The following TRAPPC9 variants were observed in gnomAD, a reference collection of about 807,000 sequenced individuals.
The protein encoded by TRAPPC9 is IKK2 binding protein.
A neutral mutation model predicts 124.0 loss-of-function variants in TRAPPC9; 83 were observed. The observed-to-expected ratio is 0.67, with a 90% CI of 0.56 to 0.80. TRAPPC9 has a LOEUF of 0.80. Among genes scored for constraint, TRAPPC9 ranks in the 30% least tolerant of loss-of-function variants. The pLI, the probability that TRAPPC9 is intolerant of heterozygous loss-of-function variation, is 0.00. For synonymous variants in TRAPPC9, 638 were observed against 617.5 expected (o/e 1.03, Z -0.49); for missense variants, 1,302 against 1,508.3 (o/e 0.86, Z 2.27).
At chr8:139,978,777 T>G (rs1349319585) in intron 19 of TRAPPC9, among the ~76,000 whole-genome samples, 1 of 152,214 alleles carries the variant, frequency 6.6e-6, no homozygotes, top group Non-Finnish European at 1.5e-5. Flanking sequence ...TGCCCAGGCC[T>G]GAGGCGGGTG....
At chr8:139,770,948 TGGG>T (rs1820916886) in intron 21 of TRAPPC9, among the ~76,000 whole-genome samples, 1 of 152,144 alleles carries the variant, frequency 6.6e-6, no homozygotes, top group Admixed American at 6.5e-5. Context: ...TCTGGGCTTC[TGGG>T]ACCCTCCCGC....
intron 17 of TRAPPC9, chr8:140,098,542 C>T (rs1416642372): frequency 6.6e-6 from 1 of 151,946 alleles, no homozygotes; most frequent in Non-Finnish European, 1.5e-5. Flanking sequence ...GCAGCACCAC[C>T]TTCCACAGTA....
chr8:139,935,255 G>A (rs57767951), intron 19 of TRAPPC9, among the ~76,000 whole-genome samples: 6,620 of 152,240 alleles, frequency 0.043, 221 homozygotes, highest in Middle Eastern at 0.13. Flanking sequence ...GAAGGAGAGG[G>A]GAAAGATTTC....
chr8:139,752,859 CCCAT>C (rs746372569), intron 21 of TRAPPC9, among the ~76,000 whole-genome samples: 11 of 148,510 alleles, frequency 7.4e-5, no homozygotes, highest in South Asian at 2.2e-4. Context: ...CATCCATCCA[CCCAT>C]CCAACATCTA....
chr8:140,290,309 T>G (rs1406008910), intron 12 of TRAPPC9, among the ~76,000 whole-genome samples: 2 of 152,138 alleles, frequency 1.3e-5, no homozygotes, highest in African/African-American at 4.8e-5. Flanking sequence ...TGCGTGCTGC[T>G]GAAAAGTTAC....
intron 20 of TRAPPC9, among the ~76,000 whole-genome samples, chr8:139,909,053 T>A (rs1053484855): frequency 6.6e-6 from 1 of 152,188 alleles, no homozygotes; most frequent in Non-Finnish European, 1.5e-5. Flanking sequence ...CCCTTTAGCT[T>A]GAACAAAGGA....
intron 4 of TRAPPC9, among the ~76,000 whole-genome samples, chr8:140,433,778 G>C (rs1464099803): frequency 6.6e-6 from 1 of 152,072 alleles, no homozygotes; most frequent in Admixed American, 6.6e-5. Context: ...AGAAGAATAG[G>C]ATCTAGAGGC....
At chr8:140,394,301 C>T (rs1277013665) in intron 7 of TRAPPC9, among the ~76,000 whole-genome samples, 6 of 152,210 alleles carry the variant, frequency 3.9e-5, no homozygotes, top group Non-Finnish European at 7.3e-5. Flanking sequence ...GCACAGTCCA[C>T]CCTCCACTGT....
intron 8 of TRAPPC9, among the ~76,000 whole-genome samples, chr8:140,360,473 GAAC>G (rs938900869): frequency 6.6e-6 from 1 of 152,068 alleles, no homozygotes; most frequent in Non-Finnish European, 1.5e-5. Context: ...AATAAGCTTA[GAAC>G]AAAAGATGGA....
rs138519710 is a variant in TRAPPC9, at chr8:139,827,630, C to T, written c.3055+58249G>A. On this transcript the variant is annotated intron_variant, in intron 21 of 22. Transcript: ENST00000438773. ...TGCCAATAAGGACTGCGTGCCCGCA[C>T]GTGACTGATAAGTGAATGGAGGCTC... is the stretch of plus-strand genomic sequence containing the variant. Among the ~76,000 whole-genome samples the T allele has an allele frequency of 4.9e-3, 752 of 152,342 alleles. 8 individuals carry two copies. The highest frequency in any genetic ancestry group is 0.017 in the African/African-American group (723 of 41,588).
In TRAPPC9 at chr8:139,728,688, C is replaced by T. The variant is rs1005540974; in HGVS notation, c.*2373G>A. On this transcript the variant is annotated 3_prime_UTR_variant, in exon 23 of 23. Coordinates refer to ENST00000438773, the MANE Select transcript of TRAPPC9 (RefSeq NM_001160372.4). Reference sequence around the variant, plus strand: ...CTTCTCTACTGGGACAGAAAGGGTGCCCTGGGGGTGGGGAAGGGCCTGGGG... The same window carrying T: ...CTTCTCTACTGGGACAGAAAGGGTGTCCTGGGGGTGGGGAAGGGCCTGGGG... Among the ~76,000 whole-genome samples, 8 of 152,164 alleles carry T rather than the reference C, an allele frequency of 5.3e-5. No individual in the cohort carries two copies. Among genetic ancestry groups the T allele is most frequent in the African/African-American group, 1.9e-4 (8 of 41,444 alleles).
chr8:140,294,270 C>T (rs945155788), intron 11 of TRAPPC9, among the ~76,000 whole-genome samples: 1 of 152,078 alleles, frequency 6.6e-6, no homozygotes, highest in Non-Finnish European at 1.5e-5. Flanking sequence ...GGAGCTCACC[C>T]GACCTCCTCA....
chr8:140,447,277 G>T (rs1040587852), intron 2 of TRAPPC9, among the ~76,000 whole-genome samples: 1 of 151,900 alleles, frequency 6.6e-6, no homozygotes, highest in Non-Finnish European at 1.5e-5. Context: ...CTAAAAAAAA[G>T]CTAAAATTAA....
intron 7 of TRAPPC9, among the ~76,000 whole-genome samples, chr8:140,386,995 C>T (rs1180582137): frequency 6.6e-6 from 1 of 152,056 alleles, no homozygotes; most frequent in Non-Finnish European, 1.5e-5. Context: ...CAGAACAGAG[C>T]CCTCAGAAAT....
intron 20 of TRAPPC9, among the ~76,000 whole-genome samples, chr8:139,903,926 C>T (rs143904920): frequency 0.025 from 3,733 of 152,250 alleles, 179 homozygotes; most frequent in African/African-American, 0.085. Context: ...CCTGTAGTCC[C>T]AGCTACCCAG....
intron 19 of TRAPPC9, among the ~76,000 whole-genome samples, chr8:139,973,335 C>T (rs1836224520): frequency 6.6e-6 from 1 of 152,186 alleles, no homozygotes; most frequent in South Asian, 2.1e-4. Context: ...AGGTTTAGGC[C>T]TGCCGTCCCT....
At chr8:140,427,454 T>A (rs1171539552) in intron 4 of TRAPPC9, among the ~76,000 whole-genome samples, 1 of 152,036 alleles carries the variant, frequency 6.6e-6, no homozygotes, top group Non-Finnish European at 1.5e-5. Flanking sequence ...GATTTCCAGC[T>A]TTTAGAAGGT....
At chr8:140,005,751 G>A (rs889208465) in intron 18 of TRAPPC9, among the ~76,000 whole-genome samples, 1 of 151,810 alleles carries the variant, frequency 6.6e-6, no homozygotes, top group African/African-American at 2.4e-5. Context: ...TAAGAAAATA[G>A]GGGGAAAGGT....
rs2070216949 is a variant in TRAPPC9, at chr8:140,421,704, GC to G, written c.886+4910del. 9.2e-5 allele frequency among the ~76,000 whole-genome samples: 14 copies of G among 152,236 alleles called. No homozygotes were observed. The South Asian group carries it at 2.9e-3, about 32-fold the overall frequency. ...AAGACAACGACCGTATTCTGGAAAG[GC>G]TTACAATCTGTGTCAACACTGGGGA... On this transcript the variant is annotated intron_variant, in intron 5 of 22. Coordinates refer to ENST00000438773, the MANE Select transcript of TRAPPC9 (RefSeq NM_001160372.4).
Sources: allele counts gnomAD v4.1 joint callset (sites outside exome capture counted in the v4.1 genomes callset), GRCh38; gene constraint gnomAD v4.1.1; transcripts MANE v1.5; gene names NCBI Gene and HGNC (gene_info 2026-07-23, HGNC 2026-07-21).